RIF1: variants seen among roughly 807,000 people sequenced by gnomAD.
RIF1 encodes replication timing regulatory factor 1.
RIF1 carries 45 observed loss-of-function variants against 247.1 expected under a neutral mutation model. The observed-to-expected ratio is 0.18, with a 90% CI of 0.14 to 0.23. RIF1 has a LOEUF of 0.23. RIF1 is among the 10% of genes least tolerant of loss of function. RIF1 has a pLI of 1.00. For synonymous variants in RIF1, 1,087 were observed against 978.8 expected (o/e 1.11, Z -2.06); for missense variants, 2,967 against 2,862.5 (o/e 1.04, Z -0.83).
chr2:151,500,614 G>GAAAC (rs1471810966), intron 11 of RIF1, among the ~76,000 whole-genome samples: 2 of 43,074 alleles, frequency 4.6e-5, no homozygotes, highest in African/African-American at 1.7e-4. Context: ...TTTTTTTTTT[G>GAAAC]AAACAGGGTC....
downstream of RIF1, chr2:151,508,244 A>ATGTT: frequency 3.6e-6 from 2 of 555,512 alleles, no homozygotes; most frequent in East Asian, 5.7e-5. Flanking sequence ...CTGTCCAAGG[A>ATGTT]TGTTAGGGCA....
chr2:151,430,044 G>A (rs976590619), intron 9 of RIF1, among the ~76,000 whole-genome samples: 1 of 149,056 alleles, frequency 6.7e-6, no homozygotes, highest in African/African-American at 2.5e-5. Flanking sequence ...TTTTTGAGAC[G>A]GAGTTTCGCT....
chr2:151,440,001 A>G (rs764407780), intron 14 of RIF1, 26 bp from the exon 15 acceptor site: 11 of 904,110 alleles, frequency 1.2e-5, no homozygotes, highest in South Asian at 8.6e-5. Flanking sequence ...AAAAAGAACT[A>G]TACCCTTCTT....
At chr2:151,527,379 G>A in the RIF1 span, 43 of 987,186 alleles carry the variant, frequency 4.4e-5, no homozygotes, top group Non-Finnish European at 6.3e-5. Context: ...TCTCAAACGA[G>A]CAAGGGTTAA....
rs937882805 is a variant in RIF1 at position 151,477,995 on chromosome 2, C to A, written c.*2924C>A. 1 of 152,214 alleles carries A rather than the reference C, an allele frequency of 6.6e-6. No individual in the cohort carries two copies. The highest frequency in any genetic ancestry group is 2.4e-5 in the African/African-American group (1 of 41,450). The allele number at this position is 152,214 out of a possible 1,614,324, so 9.4% of individuals were successfully genotyped here. A position where few individuals can be genotyped will look rare whatever the true frequency, so the allele number is the denominator to read the frequency against. On this transcript the variant is annotated 3_prime_UTR_variant, in exon 36 of 36. Transcript: ENST00000444746. ...AAATGGTGGCATTACAGGCGTGAGC[C>A]ACCGCTCCTGGCCCATCATTTCCAT...
chr2:151,497,633 A>G lies in RIF1; in HGVS notation c.*514-1712A>G, dbSNP rs372228043. ...CTTTTCTTGCCAAAGTACCGAGCTA[A>G]TATTTTCTTGATTGTGTTTGACTCT... On this transcript the variant is annotated intron_variant and NMD_transcript_variant, in intron 10 of 13. Transcript: ENST00000454583. 3.8e-5 allele frequency: 60 copies of G among 1,574,320 alleles called. No individual in the cohort carries two copies. Among genetic ancestry groups the G allele is most frequent in the Non-Finnish European group, 5.0e-5 (58 of 1,157,382 alleles).
chr2:151,427,211 CT>C (rs1273953132), intron 8 of RIF1, among the ~76,000 whole-genome samples: 1 of 150,578 alleles, frequency 6.6e-6, no homozygotes, highest in Non-Finnish European at 1.5e-5. Context: ...CTTTATTTTC[CT>C]TTTTTTCTTT....
intron 30 of RIF1, among the ~76,000 whole-genome samples, chr2:151,466,676 T>G (rs1188678937): frequency 6.6e-6 from 1 of 152,244 alleles, no homozygotes; most frequent in Non-Finnish European, 1.5e-5. Context: ...ATATATCTGC[T>G]TTAGCTTCAG....
chr2:151,529,321 G>C, the RIF1 span: 7 of 1,567,108 alleles, frequency 4.5e-6, no homozygotes, highest in African/African-American at 9.5e-5. Flanking sequence ...TCAGCTGTGG[G>C]AGGAAACACA....
At chr2:151,483,630 C>G (rs1042273710), downstream of RIF1, among the ~76,000 whole-genome samples, 4 of 152,130 alleles carry the variant, frequency 2.6e-5, no homozygotes, top group Non-Finnish European at 5.9e-5. Flanking sequence ...TGTAAAATGA[C>G]CTAATATTAG....
chr2:151,497,527 A>G lies in RIF1; in HGVS notation c.*514-1818A>G, dbSNP rs923392099. ...TTGCTAAAGAAATTCACAAAATTTAAGTTGTCTTTAAAAAGTAGGATTAAT... is the reference window on the plus strand; with the variant it reads ...TTGCTAAAGAAATTCACAAAATTTAGGTTGTCTTTAAAAAGTAGGATTAAT... On this transcript the variant is annotated intron_variant and NMD_transcript_variant, in intron 10 of 13. Coordinates refer to the RIF1 transcript ENST00000454583. The G allele has an allele frequency of 1.2e-5, 18 of 1,502,568 alleles. No homozygotes were observed. The African/African-American group carries it at 2.1e-4, about 18-fold the overall frequency. 93.1% of individuals were successfully genotyped at this position (1,502,568 alleles called of 1,614,324 possible).
At chr2:151,449,461 T>C (rs560588818) in intron 20 of RIF1, among the ~76,000 whole-genome samples, 3 of 152,288 alleles carry the variant, frequency 2.0e-5, no homozygotes, top group African/African-American at 7.2e-5. Flanking sequence ...TTTCTTTCTT[T>C]CTTGATGAGG....
At chr2:151,461,364 G>T in intron 27 of RIF1, 75 bp downstream of exon 27, 2 of 1,352,122 alleles carry the variant, frequency 1.5e-6, no homozygotes, top group South Asian at 1.3e-5. Context: ...GTGTAACTTT[G>T]TGTTTAGAAC....
At chr2:151,424,551 C>T (rs949796288) in intron 8 of RIF1, among the ~76,000 whole-genome samples, 1 of 152,136 alleles carries the variant, frequency 6.6e-6, no homozygotes. Flanking sequence ...AATAATGTTG[C>T]TGTAAACACC....
At chr2:151,486,015 T>C (rs756001037), downstream of RIF1, 64 of 1,400,978 alleles carry the variant, frequency 4.6e-5, no homozygotes, top group Admixed American at 7.4e-5. Context: ...AGATCTCTCA[T>C]GACTGACTCC....
chr2:151,489,945 A>T, intron 9 of RIF1: 1 of 1,505,530 alleles, frequency 6.6e-7, no homozygotes, highest in Non-Finnish European at 9.2e-7. Context: ...AGAATAATTT[A>T]TTTAAGTGAG....
intron 6 of RIF1, among the ~76,000 whole-genome samples, chr2:151,418,568 A>G (rs1300456994): frequency 6.6e-6 from 1 of 152,072 alleles, no homozygotes; most frequent in Non-Finnish European, 1.5e-5. Flanking sequence ...AGCTTTGGCC[A>G]GGCACAGTGG....
rs146318363 is a variant in RIF1, at chr2:151,417,011, A to C, written c.503+110A>C. 4.1e-6 allele frequency: 3 copies of C among 729,526 alleles called. No homozygotes were observed. In the South Asian group the frequency reaches 5.5e-5, roughly 13 times the overall value. 45.2% of individuals were successfully genotyped at this position (729,526 alleles called of 1,614,324 possible). On this transcript the variant is annotated intron_variant, in intron 6 of 35. Transcript: ENST00000444746. ...ACAGACATTAAAAGGGGGGAATGTCATTTACACCAAACGACTCAAGGACAA... is the reference window on the plus strand; with the variant it reads ...ACAGACATTAAAAGGGGGGAATGTCCTTTACACCAAACGACTCAAGGACAA...
rs758327681 is a variant in RIF1 at position 151,492,209 on chromosome 2, G to C, written c.*416-3020G>C. ...AAGTCCTGCATGTTCTTCTTTACTC[G>C]TTCAGTGATAGGATCTGTCACCACT... On this transcript the variant is annotated intron_variant and NMD_transcript_variant, in intron 9 of 13. Coordinates refer to the RIF1 transcript ENST00000454583. The C allele has an allele frequency of 6.2e-7, 1 of 1,613,744 alleles. No homozygotes were observed. Among genetic ancestry groups the C allele is most frequent in the East Asian group, 2.2e-5 (1 of 44,872 alleles).
Sources: allele counts gnomAD v4.1 joint callset (sites outside exome capture counted in the v4.1 genomes callset), GRCh38; gene constraint gnomAD v4.1.1; transcripts MANE v1.5; gene names NCBI Gene and HGNC (gene_info 2026-07-23, HGNC 2026-07-21).